ZNF385D: variants seen among roughly 807,000 people sequenced by gnomAD.
ZNF385D encodes zinc finger protein 659.
ZNF385D carries 15 observed loss-of-function variants against 35.8 expected under a neutral mutation model. That is an observed-to-expected ratio of 0.42 (90% CI 0.28 to 0.64). The LOEUF (loss-of-function observed/expected upper bound fraction) is 0.64. Ranked by LOEUF, ZNF385D falls within the 30% of genes least tolerant of loss-of-function variation. ZNF385D has a pLI of 0.23. For missense variants in ZNF385D, 474 were observed against 494.6 expected, an observed-to-expected ratio of 0.96 and a Z score of 0.39; for synonymous variants, 212 against 186.8, an observed-to-expected ratio of 1.13 and a Z score of -1.10.
intron 1 of ZNF385D, among the ~76,000 whole-genome samples, chr3:21,740,568 G>T (rs943578218): frequency 1.2e-4 from 18 of 152,258 alleles, no homozygotes; most frequent in African/African-American, 4.3e-4. Flanking sequence ...CAGCCATTAG[G>T]GATGTTCACT....
intron 3 of ZNF385D, among the ~76,000 whole-genome samples, chr3:21,825,908 G>T (rs746399679): frequency 6.6e-6 from 1 of 152,182 alleles, no homozygotes; most frequent in South Asian, 2.1e-4. Flanking sequence ...CCCACCAGCG[G>T]GGGCATTAGA....
chr3:22,111,152 ATTTTTTT>A (rs61708178), intron 3 of ZNF385D, among the ~76,000 whole-genome samples: 891 of 68,998 alleles, frequency 0.013, 10 homozygotes, highest in Middle Eastern at 0.051. Context: ...TCCATGTTGG[ATTTTTTT>A]TTTTTTTTTT....
At chr3:21,796,357 C>G (rs1227987164) in intron 3 of ZNF385D, among the ~76,000 whole-genome samples, 6 of 152,098 alleles carry the variant, frequency 3.9e-5, no homozygotes, top group Admixed American at 3.3e-4. Flanking sequence ...AAATCAATAT[C>G]TCTCATAAAT....
chr3:21,775,238 T>C (rs2071239653), intron 3 of ZNF385D, among the ~76,000 whole-genome samples: 1 of 151,838 alleles, frequency 6.6e-6, no homozygotes. Context: ...ATGTTTCCTT[T>C]TTTATTAACT....
Position 21,961,475 on chromosome 3 carries a change from TATTGA to T in ZNF385D, c.325+207337_325+207341del, listed in dbSNP as rs796313743. On this transcript the variant is annotated intron_variant, in intron 3 of 5. Transcript: ENST00000494108. ...AGTTTAATTAGAAATATGAAGTAACTATTGAATTGTTCTATTTGCAATGAAATAAA... is the reference window on the plus strand; with the variant it reads ...AGTTTAATTAGAAATATGAAGTAACTATTGTTCTATTTGCAATGAAATAAA... The T allele has an allele frequency of 1.1e-4, 16 of 152,318 alleles. No individual in the cohort carries two copies. The South Asian group carries it at 3.1e-3, about 30-fold the overall frequency. 9.4% of individuals were successfully genotyped at this position (152,318 alleles called of 1,614,324 possible).
intron 3 of ZNF385D, among the ~76,000 whole-genome samples, chr3:22,056,569 G>A (rs2125532786): frequency 6.6e-6 from 1 of 152,120 alleles, no homozygotes; most frequent in Non-Finnish European, 1.5e-5. Context: ...TTTAAAAATG[G>A]TTCTGACCAA....
chr3:22,004,085 G>A (rs1357891897), intron 3 of ZNF385D, among the ~76,000 whole-genome samples: 1 of 152,050 alleles, frequency 6.6e-6, no homozygotes, highest in South Asian at 2.1e-4. Flanking sequence ...TATAACCAAA[G>A]GAACAGAACC....
intron 3 of ZNF385D, among the ~76,000 whole-genome samples, chr3:21,917,187 T>C (rs957668523): frequency 6.6e-6 from 1 of 152,124 alleles, no homozygotes; most frequent in African/African-American, 2.4e-5. Context: ...ATCCCACCAC[T>C]TTGGGAGGCC....
intron 3 of ZNF385D, among the ~76,000 whole-genome samples, chr3:21,858,090 A>C (rs1388581000): frequency 6.7e-6 from 1 of 149,068 alleles, no homozygotes; most frequent in Non-Finnish European, 1.5e-5. Flanking sequence ...TGAACCCAGG[A>C]GGTAGAGGTT....
chr3:21,469,196 A>G (rs1414466676), intron 4 of ZNF385D, among the ~76,000 whole-genome samples: 1 of 152,214 alleles, frequency 6.6e-6, no homozygotes, highest in Non-Finnish European at 1.5e-5. Flanking sequence ...CAAAACAGTA[A>G]AGCAATTAAA....
chr3:22,130,479 C>A (rs755925653), intron 3 of ZNF385D, among the ~76,000 whole-genome samples: 1 of 152,156 alleles, frequency 6.6e-6, no homozygotes, highest in Non-Finnish European at 1.5e-5. Flanking sequence ...GTTCTGATAA[C>A]TGGGACGGAT....
chr3:21,715,764 A>G (rs2068294665), intron 1 of ZNF385D, among the ~76,000 whole-genome samples: 1 of 152,052 alleles, frequency 6.6e-6, no homozygotes, highest in South Asian at 2.1e-4. Context: ...ATCTCTTCCA[A>G]TCTCATGTTT....
At chr3:22,200,986 C>A (rs943863988) in intron 2 of ZNF385D, among the ~76,000 whole-genome samples, 2 of 152,050 alleles carry the variant, frequency 1.3e-5, no homozygotes, top group Non-Finnish European at 2.9e-5. Context: ...ACATGCTGTA[C>A]AATTTGTACA....
chr3:22,319,695 C>G (rs924438437), intron 2 of ZNF385D, among the ~76,000 whole-genome samples: 1 of 152,112 alleles, frequency 6.6e-6, no homozygotes, highest in Non-Finnish European at 1.5e-5. Flanking sequence ...AGGAAGTAAT[C>G]TGATGATATA....
intron 1 of ZNF385D, among the ~76,000 whole-genome samples, chr3:21,731,339 T>C (rs913217034): frequency 6.6e-6 from 1 of 152,216 alleles, no homozygotes; most frequent in Non-Finnish European, 1.5e-5. Context: ...CTTTTTTTAA[T>C]AGACTATTTT....
intron 2 of ZNF385D, among the ~76,000 whole-genome samples, chr3:22,205,888 G>A (rs1445286644): frequency 3.3e-5 from 5 of 151,928 alleles, no homozygotes; most frequent in Non-Finnish European, 5.9e-5. Context: ...GCCAAATGGC[G>A]GGAGCAAGTT....
At chr3:21,489,002 A>G (rs1293731123) in intron 4 of ZNF385D, among the ~76,000 whole-genome samples, 2 of 152,156 alleles carry the variant, frequency 1.3e-5, no homozygotes, top group East Asian at 1.9e-4. Context: ...GTTAGAGTCT[A>G]TTAATAAACT....
intron 1 of ZNF385D, among the ~76,000 whole-genome samples, chr3:21,701,448 A>G (rs919801926): frequency 6.6e-6 from 1 of 152,130 alleles, no homozygotes; most frequent in Non-Finnish European, 1.5e-5. Context: ...CCCACAACAT[A>G]TGGGAATTCT....
chr3:21,617,745 A>G (rs2064889752), intron 2 of ZNF385D, among the ~76,000 whole-genome samples: 1 of 152,152 alleles, frequency 6.6e-6, no homozygotes, highest in Non-Finnish European at 1.5e-5. Flanking sequence ...ACTGTTTTAT[A>G]AAGTACTTAG....
Sources: allele counts gnomAD v4.1 joint callset (sites outside exome capture counted in the v4.1 genomes callset), GRCh38; gene constraint gnomAD v4.1.1; transcripts MANE v1.5; gene names NCBI Gene and HGNC (gene_info 2026-07-23, HGNC 2026-07-21).